The following ZNF345 variants were observed in gnomAD, a reference collection of about 807,000 sequenced individuals.
The protein encoded by ZNF345 is zinc finger protein HZF10.
For missense variants in ZNF345, 527 were observed against 589.9 expected (o/e 0.89, Z 1.10); for synonymous variants, 166 against 187.9 (o/e 0.88, Z 0.95).
chr19:36,892,899 G>A, exon 4 of ZNF345: 1 of 1,148,504 alleles, frequency 8.7e-7, no homozygotes, highest in Non-Finnish European at 1.1e-6. Context: ...AAGGCCATCA[G>A]CATGCCCAGG....
intron 2 of ZNF345, among the ~76,000 whole-genome samples, chr19:36,860,018 C>T (rs139850160): frequency 0.011 from 1,744 of 152,106 alleles, 40 homozygotes; most frequent in African/African-American, 0.04. Context: ...AGTGCAGGGG[C>T]GTGATCTCGG....
At chr19:36,885,182 A>G (rs515496) in intron 3 of ZNF345, among the ~76,000 whole-genome samples, 114,542 of 151,564 alleles carry the variant, frequency 0.76, 43,713 homozygotes, top group East Asian at 0.92. Context: ...AGTTACTAGA[A>G]TTATATATAG....
chr19:36,869,822 C>G (rs746822301), intron 2 of ZNF345, among the ~76,000 whole-genome samples: 4 of 148,946 alleles, frequency 2.7e-5, no homozygotes, highest in Admixed American at 6.8e-5. Context: ...AATGCAGTAG[C>G]GTGATCTCGG....
intron 2 of ZNF345, among the ~76,000 whole-genome samples, chr19:36,856,043 G>A (rs529847210): frequency 9.8e-5 from 15 of 152,338 alleles, no homozygotes; most frequent in Admixed American, 2.6e-4. Flanking sequence ...TTTTCTGTCA[G>A]TGTCGTCAAG....
intron 2 of ZNF345, among the ~76,000 whole-genome samples, chr19:36,874,697 T>G (rs1477695869): frequency 6.6e-6 from 1 of 152,148 alleles, no homozygotes; most frequent in Non-Finnish European, 1.5e-5. Context: ...GAGAATCACT[T>G]GAACCCGGGA....
intron 2 of ZNF345, among the ~76,000 whole-genome samples, chr19:36,856,970 A>T (rs2072432481): frequency 6.6e-6 from 1 of 152,236 alleles, no homozygotes; most frequent in Non-Finnish European, 1.5e-5. Flanking sequence ...AATCCTATCA[A>T]TTAGATATAA....
chr19:36,876,878 T>C lies in ZNF345; in HGVS notation c.48T>C (p.Gly16=). ...KHSIECSSFR[G]DWECKNQFER... ...GCATTGAGTGTTCAAGTTTCAGAGG[T>C]GATTGGGAATGTAAAAACCAGTTTG... Residue 16 remains glycine, a synonymous_variant, in exon 3 of 3, where the codon GGT becomes GGC. Coordinates refer to ENST00000420450, the MANE Select transcript of ZNF345 (RefSeq NM_001242472.2). 1 of 1,613,820 alleles carries C rather than the reference T, an allele frequency of 6.2e-7. No individual in the cohort carries two copies. The highest frequency in any genetic ancestry group is 8.5e-7 in the Non-Finnish European group (1 of 1,179,882).
At chr19:36,853,583 C>T (rs1258773941) in intron 2 of ZNF345, among the ~76,000 whole-genome samples, 1 of 152,158 alleles carries the variant, frequency 6.6e-6, no homozygotes, top group Non-Finnish European at 1.5e-5. Flanking sequence ...TAGGTCTTTA[C>T]ACCACCTGGA....
In ZNF345 at chr19:36,878,274, T is replaced by C. The variant is rs777401488; in HGVS notation, c.1444T>C (p.Cys482Arg). ...HKKSHNGKKLCELETIN is the reference protein window; with the variant it reads ...HKKSHNGKKLRELETIN ...GAAAAGTCATAATGGTAAGAAACTCTGCGAATTGGAAACTATAAATTGAAA... is the reference window on the plus strand; with the variant it reads ...GAAAAGTCATAATGGTAAGAAACTCCGCGAATTGGAAACTATAAATTGAAA... Residue 482 changes from cysteine to arginine, a missense_variant, in exon 3 of 3, where the codon TGC becomes CGC. By Grantham distance (180) the Cys-to-Arg change is radical. Coordinates refer to ENST00000420450, the MANE Select transcript of ZNF345 (RefSeq NM_001242472.2). 6.3e-7 allele frequency: 1 copy of C among 1,576,628 alleles called. No homozygotes were observed. The highest frequency in any genetic ancestry group is 1.2e-5 in the South Asian group (1 of 84,610).
intron 2 of ZNF345, among the ~76,000 whole-genome samples, chr19:36,852,522 G>T (rs1198569409): frequency 6.6e-6 from 1 of 151,364 alleles, no homozygotes; most frequent in African/African-American, 2.4e-5. Context: ...GAGGAGAATC[G>T]CTTGAACCCG....
chr19:36,868,097 C>T (rs759241636), intron 2 of ZNF345, among the ~76,000 whole-genome samples: 1 of 150,086 alleles, frequency 6.7e-6, no homozygotes, highest in Non-Finnish European at 1.5e-5. Context: ...CTGCTTCCTG[C>T]GTTCCAAAAA....
intron 2 of ZNF345, chr19:36,854,359 G>A (rs1433984807): frequency 6.6e-6 from 1 of 151,820 alleles, no homozygotes; most frequent in Non-Finnish European, 1.5e-5. Flanking sequence ...AACTTGAACA[G>A]CTAGGTTGTA....
At chr19:36,859,868 C>T (rs2072507042) in intron 2 of ZNF345, among the ~76,000 whole-genome samples, 1 of 147,806 alleles carries the variant, frequency 6.8e-6, no homozygotes, top group South Asian at 2.1e-4. Flanking sequence ...CTCTCTCCCT[C>T]TCTCTCTCTG....
chr19:36,857,490 G>T (rs958623500), intron 2 of ZNF345, among the ~76,000 whole-genome samples: 25 of 151,882 alleles, frequency 1.6e-4, no homozygotes, highest in African/African-American at 5.8e-4. Context: ...TGTATTTTTA[G>T]CAGAGACGGG....
rs544616170 is a variant in ZNF345, at chr19:36,873,659, G to A, written c.-46-3126G>A. Among the ~76,000 whole-genome samples, 277 of 150,154 alleles carry A rather than the reference G, an allele frequency of 1.8e-3. 1 individual carries two copies. The highest frequency in any genetic ancestry group is 6.7e-3 in the African/African-American group (272 of 40,858). On this transcript the variant is annotated intron_variant, in intron 2 of 2. Coordinates refer to ENST00000420450, the MANE Select transcript of ZNF345 (RefSeq NM_001242472.2). ...CCCATTTTCTCCCTGACAGTCCCTG[G>A]TAACTACCATTCTGTATGCTATTTC...
chr19:36,858,320 T>G (rs1364492083), intron 2 of ZNF345: 1 of 150,960 alleles, frequency 6.6e-6, no homozygotes, highest in Non-Finnish European at 1.5e-5. Context: ...CACTTGCACT[T>G]GGACTAGCCA....
chr19:36,861,059 A>G (rs937925796), intron 2 of ZNF345, among the ~76,000 whole-genome samples: 1 of 152,132 alleles, frequency 6.6e-6, no homozygotes, highest in Non-Finnish European at 1.5e-5. Context: ...ATATGAATTC[A>G]TAGATGTTTA....
At chr19:36,868,605 G>A (rs930972244) in intron 2 of ZNF345, among the ~76,000 whole-genome samples, 3 of 149,512 alleles carry the variant, frequency 2.0e-5, no homozygotes, top group Non-Finnish European at 3.0e-5. Flanking sequence ...ACCCATTGCA[G>A]TTCCACATGG....
downstream of ZNF345, among the ~76,000 whole-genome samples, chr19:36,884,064 A>ATTTG (rs34109237): frequency 0.26 from 38,731 of 151,764 alleles, 7,278 homozygotes; most frequent in African/African-American, 0.53. Flanking sequence ...ATTACAACTT[A>ATTTG]TTTATTTTTA....
Sources: gnomAD v4.1 joint callset for allele counts (sites outside exome capture counted in the v4.1 genomes callset) on GRCh38, gnomAD v4.1.1 for gene constraint, MANE v1.5 for transcripts, NCBI Gene and HGNC (gene_info 2026-07-23, HGNC 2026-07-21) for gene names.